The following P4HA1 variants were observed in gnomAD, a reference collection of about 807,000 sequenced individuals.
P4HA1 encodes the protein prolyl 4-hydroxylase subunit alpha-1.
P4HA1 carries 24 observed loss-of-function variants against 72.8 expected under a neutral mutation model. The observed-to-expected ratio is 0.33, with a 90% CI of 0.24 to 0.46. P4HA1 has a LOEUF of 0.46. Ranked by LOEUF, P4HA1 falls within the 20% of genes least tolerant of loss-of-function variation. The probability of loss-of-function intolerance (pLI) is 1.00; values close to 1 mark genes in which losing one functional copy is unlikely to be tolerated. For synonymous variants in P4HA1, 201 were observed against 218.8 expected (o/e 0.92, Z 0.72); for missense variants, 446 against 640.6 (o/e 0.70, Z 3.28).
At chr10:73,085,742 C>T (rs1841912621) in intron 1 of P4HA1, among the ~76,000 whole-genome samples, 1 of 152,064 alleles carries the variant, frequency 6.6e-6, no homozygotes, top group African/African-American at 2.4e-5. Flanking sequence ...GAGGCAAGTA[C>T]ATGAAAAGAT....
intron 1 of P4HA1, among the ~76,000 whole-genome samples, chr10:73,084,639 A>C (rs908492838): frequency 6.6e-6 from 1 of 152,130 alleles, no homozygotes; most frequent in Non-Finnish European, 1.5e-5. Context: ...TATAGCAGTT[A>C]TACTACTTGA....
At chr10:73,086,226 A>G (rs1374423056) in intron 1 of P4HA1, among the ~76,000 whole-genome samples, 1 of 152,262 alleles carries the variant, frequency 6.6e-6, no homozygotes, top group Non-Finnish European at 1.5e-5. Context: ...AAACTTTTGC[A>G]TGAATGTTCA....
chr10:73,008,118 C>G lies in P4HA1; in HGVS notation c.*104G>C. The G allele has an allele frequency of 1.5e-6, 1 of 677,012 alleles. No individual in the cohort carries two copies. The highest frequency in any genetic ancestry group is 2.7e-6 in the Non-Finnish European group (1 of 373,848). 41.9% of individuals were successfully genotyped at this position (677,012 alleles called of 1,614,324 possible). On this transcript the variant is annotated 3_prime_UTR_variant, in exon 15 of 15. Transcript: ENST00000394890. ...GGATGAGGTTCATGACTGAATCAAT[C>G]ATGGAGTGTTAGTCAATTGTAAACT...
intron 10 of P4HA1, among the ~76,000 whole-genome samples, chr10:73,018,968 C>T (rs2133042578): frequency 6.6e-6 from 1 of 152,248 alleles, no homozygotes. Flanking sequence ...ATCCTAGCCC[C>T]ATAGCCACTC....
chr10:73,069,390 G>A (rs1038978083), intron 4 of P4HA1, among the ~76,000 whole-genome samples: 9 of 152,162 alleles, frequency 5.9e-5, no homozygotes, highest in African/African-American at 2.2e-4. Flanking sequence ...CAGATGGTAA[G>A]TAAAATATGT....
chr10:73,078,600 ATTTTTTTTTTTTT>A (rs770821126), intron 1 of P4HA1, among the ~76,000 whole-genome samples: 5 of 99,700 alleles, frequency 5.0e-5, no homozygotes, highest in South Asian at 3.6e-4. Context: ...GCAGTAGGTA[ATTTTTTTTTTTTT>A]TTTTTTTTTT....
intron 10 of P4HA1, among the ~76,000 whole-genome samples, chr10:73,023,201 C>T (rs753100467): frequency 3.9e-5 from 6 of 152,144 alleles, no homozygotes; most frequent in Admixed American, 6.5e-5. Context: ...TTGTCAGATT[C>T]ACCAAGGCTG....
At chr10:73,064,504 T>G (rs1589613981) in intron 5 of P4HA1, among the ~76,000 whole-genome samples, 1 of 148,242 alleles carries the variant, frequency 6.7e-6, no homozygotes, top group South Asian at 2.2e-4. Context: ...ATAAAGAAAA[T>G]AAACTATAAT....
intron 5 of P4HA1, among the ~76,000 whole-genome samples, chr10:73,055,877 G>A (rs1227746427): frequency 1.3e-5 from 2 of 152,172 alleles, no homozygotes; most frequent in African/African-American, 4.8e-5. Context: ...TATTACAGAT[G>A]AGGAACTAAA....
At chr10:73,096,211 A>G (rs1842161731) in intron 1 of P4HA1, among the ~76,000 whole-genome samples, 1 of 152,222 alleles carries the variant, frequency 6.6e-6, no homozygotes, top group African/African-American at 2.4e-5. Flanking sequence ...AGATGAGTTC[A>G]GCCGGAACTT....
At chr10:73,023,817 A>G (rs1438848667) in intron 10 of P4HA1, among the ~76,000 whole-genome samples, 2 of 151,948 alleles carry the variant, frequency 1.3e-5, no homozygotes, top group Admixed American at 6.6e-5. Context: ...AGAAAAAAAA[A>G]AAAAAAAGCA....
At chr10:73,050,732 G>T (rs1190838810) in intron 7 of P4HA1, among the ~76,000 whole-genome samples, 2 of 151,896 alleles carry the variant, frequency 1.3e-5, no homozygotes, top group African/African-American at 2.4e-5. Flanking sequence ...TAGAGACAGG[G>T]TCTTATTCTG....
At chr10:73,015,877 G>GT (rs113800763) in intron 11 of P4HA1, among the ~76,000 whole-genome samples, 26,073 of 144,714 alleles carry the variant, frequency 0.18, 2,934 homozygotes, top group East Asian at 0.35. Context: ...TAGGTGTTTG[G>GT]TTTTTTTTTT....
intron 5 of P4HA1, among the ~76,000 whole-genome samples, chr10:73,067,437 G>A (rs1167836455): frequency 2.0e-5 from 3 of 152,144 alleles, no homozygotes; most frequent in Non-Finnish European, 4.4e-5. Context: ...ACTCAGGACA[G>A]TTCAATCTCT....
At chr10:73,030,075 A>G (rs1840399889) in intron 10 of P4HA1, among the ~76,000 whole-genome samples, 196 bp downstream of exon 10, 1 of 152,218 alleles carries the variant, frequency 6.6e-6, no homozygotes, top group Non-Finnish European at 1.5e-5. Flanking sequence ...TGTTTTGACA[A>G]GAAATTTAAA....
At chr10:73,084,536 C>T (rs1397843018) in intron 1 of P4HA1, among the ~76,000 whole-genome samples, 1 of 152,100 alleles carries the variant, frequency 6.6e-6, no homozygotes, top group Non-Finnish European at 1.5e-5. Flanking sequence ...ACTCCACCTC[C>T]AGGCTAGTCT....
chr10:73,039,499 G>A lies in P4HA1; in HGVS notation c.1148+5482C>T, dbSNP rs147784422. 7.6e-4 allele frequency among the ~76,000 whole-genome samples: 115 copies of A among 151,704 alleles called. 1 individual carries two copies. Among genetic ancestry groups the A allele is most frequent in the African/African-American group, 2.6e-3 (107 of 41,340 alleles). On this transcript the variant is annotated intron_variant, in intron 9 of 14. Transcript: ENST00000394890. ...TTTTTTTGTATTTTTAGTAGAGATG[G>A]GGTTTCACTGTGTTAGCCAGAACGG... is the stretch of plus-strand genomic sequence containing the variant.
At chr10:73,092,346 CTTTTTTTTTT>C (rs1157972087) in intron 1 of P4HA1, among the ~76,000 whole-genome samples, 3 of 112,368 alleles carry the variant, frequency 2.7e-5, no homozygotes, top group Non-Finnish European at 5.6e-5. Flanking sequence ...TTTTTCTTTT[CTTTTTTTTTT>C]TTTTTTTTTT....
intron 10 of P4HA1, 110 bp downstream of exon 10, chr10:73,030,161 A>G: frequency 2.2e-6 from 1 of 459,652 alleles, no homozygotes; most frequent in Non-Finnish European, 3.8e-6. Context: ...TCACTTTTTA[A>G]GGTCCCAAAC....
Sources: allele counts gnomAD v4.1 joint callset (sites outside exome capture counted in the v4.1 genomes callset), GRCh38; gene constraint gnomAD v4.1.1; transcripts MANE v1.5; gene names NCBI Gene and HGNC (gene_info 2026-07-23, HGNC 2026-07-21).